The following APOBEC3F variants were observed in gnomAD, a reference collection of about 807,000 sequenced individuals.
The protein encoded by APOBEC3F is apolipoprotein B mRNA editing enzyme catalytic subunit 3F.
APOBEC3F carries 34 observed loss-of-function variants against 45.8 expected under a neutral mutation model. That is an observed-to-expected ratio of 0.74 (90% CI 0.57 to 0.99). The LOEUF (loss-of-function observed/expected upper bound fraction) is 0.99. Among genes scored for constraint, APOBEC3F ranks in the 50% least tolerant of loss-of-function variants. The pLI is 0.00. For synonymous variants in APOBEC3F, 192 were observed against 174.4 expected (o/e 1.10, Z -0.80); for missense variants, 459 against 474.1 (o/e 0.97, Z 0.30).
rs1333368403 is a variant in APOBEC3F, at chr22:39,054,713, C to A, written c.*2018C>A. Among the ~76,000 whole-genome samples the A allele has an allele frequency of 6.6e-6, 1 of 152,238 alleles. No homozygotes were observed. The highest frequency in any genetic ancestry group is 1.5e-5 in the Non-Finnish European group (1 of 68,042). ...TGCGTGTATGTCCCAAATTACAATTCTTTCTTTGCAAATGAAATGTGAAAT... is the reference window on the plus strand; with the variant it reads ...TGCGTGTATGTCCCAAATTACAATTATTTCTTTGCAAATGAAATGTGAAAT... On this transcript the variant is annotated 3_prime_UTR_variant, in exon 7 of 7. Transcript: ENST00000308521.
rs1437533695 is a variant in APOBEC3F at position 39,045,056 on chromosome 22, G to A, written c.287G>A (p.Cys96Tyr). 1 of 1,613,802 alleles carries A rather than the reference G, an allele frequency of 6.2e-7. No individual in the cohort carries two copies. Among genetic ancestry groups the A allele is most frequent in the African/African-American group, 1.3e-5 (1 of 74,838 alleles). ...ACCTGGTTTGTATCCTGGACCCCCT[G>A]CCCGGACTGTGTGGCGAAGCTGGCC... Reference protein sequence around the residue: ...QITWFVSWTPCPDCVAKLAEF... With the variant: ...QITWFVSWTPYPDCVAKLAEF... Residue 96 changes from cysteine (C) to tyrosine (Y), a missense_variant, in exon 3 of 7, where the codon TGC (cysteine) becomes TAC (tyrosine). Cys to Tyr is a radical substitution (Grantham distance 194, BLOSUM62 -2). Transcript: ENST00000308521.
intron 1 of APOBEC3F, among the ~76,000 whole-genome samples, chr22:39,041,799 T>G (rs1397554670): frequency 6.6e-6 from 1 of 151,430 alleles, no homozygotes; most frequent in Non-Finnish European, 1.5e-5. Flanking sequence ...GAGGCGGAGG[T>G]TGCAGTGAGC....
chr22:39,049,109 T>C (rs1927358128), intron 4 of APOBEC3F, among the ~76,000 whole-genome samples: 1 of 152,110 alleles, frequency 6.6e-6, no homozygotes, highest in Admixed American at 6.6e-5. Context: ...TGAGCTGAAA[T>C]GTTCAAGCAA....
rs1382080615 is a variant in APOBEC3F, at chr22:39,055,144, C to T, written c.*2449C>T. ...CTGGAGTGCAATGGCACAATCTCAG[C>T]TCACTGCAACCTCTGCCTTCCGAGT... On this transcript the variant is annotated 3_prime_UTR_variant, in exon 7 of 7. Coordinates refer to ENST00000308521, the MANE Select transcript of APOBEC3F (RefSeq NM_145298.6). Among the ~76,000 whole-genome samples the T allele has an allele frequency of 1.3e-5, 2 of 151,492 alleles. No individual in the cohort carries two copies. The highest frequency in any genetic ancestry group is 2.9e-5 in the Non-Finnish European group (2 of 67,980).
chr22:39,042,926 T>C lies in APOBEC3F; in HGVS notation c.18-11T>C, dbSNP rs1334544124. On this transcript the variant is annotated splice_polypyrimidine_tract_variant and intron_variant, in intron 1 of 6. Transcript: ENST00000308521. The stretch of plus-strand genomic sequence containing the variant: ...TCTCTACATTGGCTGGTTTCTCTCT[T>C]GTGTCTTCAGAAACACAGTGGAGCG... 1 of 1,613,398 alleles carries C rather than the reference T, an allele frequency of 6.2e-7. No homozygotes were observed. The highest frequency in any genetic ancestry group is 1.3e-5 in the African/African-American group (1 of 74,880).
At chr22:39,051,884 G>T (rs1927503640) in intron 5 of APOBEC3F, among the ~76,000 whole-genome samples, 190 bp from the exon 6 acceptor site, 1 of 152,156 alleles carries the variant, frequency 6.6e-6, no homozygotes, top group African/African-American at 2.4e-5. Context: ...AGCCTGGGAG[G>T]TCAAGGCTGC....
intron 4 of APOBEC3F, among the ~76,000 whole-genome samples, chr22:39,048,338 C>A (rs1167620723): frequency 2.6e-5 from 4 of 152,200 alleles, no homozygotes; most frequent in Non-Finnish European, 1.5e-5. Context: ...CTGCAGGCCT[C>A]AGGCACATAC....
In APOBEC3F at chr22:39,054,588, C is replaced by T. The variant is rs909928967; in HGVS notation, c.*1893C>T. 6.6e-6 allele frequency among the ~76,000 whole-genome samples: 1 copy of T among 152,234 alleles called. No homozygotes were observed. Among genetic ancestry groups the T allele is most frequent in the Non-Finnish European group, 1.5e-5 (1 of 68,034 alleles). On this transcript the variant is annotated 3_prime_UTR_variant, in exon 7 of 7. Coordinates refer to ENST00000308521, the MANE Select transcript of APOBEC3F (RefSeq NM_145298.6). The stretch of plus-strand genomic sequence containing the variant: ...CCAACCTCCTTGGCCTCCCAAATTG[C>T]TGGGATTGCTGGTGTGAGCCACAGC...
At chr22:39,041,181 C>T (rs1201407568) in intron 1 of APOBEC3F, among the ~76,000 whole-genome samples, 3 of 151,882 alleles carry the variant, frequency 2.0e-5, no homozygotes, top group Non-Finnish European at 4.4e-5. Flanking sequence ...TAGGCCGCTT[C>T]CCCACCTGCC....
At chr22:39,047,000 G>A (rs535519521) in intron 4 of APOBEC3F, among the ~76,000 whole-genome samples, 1 of 152,242 alleles carries the variant, frequency 6.6e-6, no homozygotes, top group East Asian at 1.9e-4. Context: ...TAGACCGGAG[G>A]AGCAAACTGC....
chr22:39,052,521 A>G (rs1927546214), intron 6 of APOBEC3F, 56 bp from the exon 7 acceptor site: 1 of 1,581,990 alleles, frequency 6.3e-7, no homozygotes, highest in Non-Finnish European at 8.6e-7. Flanking sequence ...GGGAGGGCCC[A>G]GGGCTGGGAG....
At chr22:39,047,310 A>T (rs552042626) in intron 4 of APOBEC3F, among the ~76,000 whole-genome samples, 1 of 152,136 alleles carries the variant, frequency 6.6e-6, no homozygotes, top group East Asian at 1.9e-4. Context: ...AGGATCCAGG[A>T]GTCCCTCTGG....
chr22:39,045,381 CCCAGGGT>C lies in APOBEC3F; in HGVS notation c.452-45_452-39del, dbSNP rs775283963. The C allele has an allele frequency of 1.9e-6, 3 of 1,613,572 alleles. No individual in the cohort carries two copies. The Admixed American group carries it at 5.0e-5, about 27-fold the overall frequency. ...AGGAGACCAGGCCTGGGAGCGCGGG[CCCAGGGT>C]CAGGGCAGAGCCTGACTGCTTCCTG... On this transcript the variant is annotated intron_variant, in intron 3 of 6. Transcript: ENST00000308521.
In APOBEC3F at chr22:39,053,809, C is replaced by G. The variant is rs1417117437; in HGVS notation, c.*1114C>G. The G allele has an allele frequency of 6.6e-6, 1 of 152,140 alleles. No individual in the cohort carries two copies. The highest frequency in any genetic ancestry group is 1.5e-5 in the Non-Finnish European group (1 of 68,044). 9.4% of individuals were successfully genotyped at this position (152,140 alleles called of 1,614,324 possible). A position where few individuals can be genotyped will look rare whatever the true frequency, so the allele number is the denominator to read the frequency against. ...GCAGTCAGGCCACACACCATTGCTC[C>G]CAAAATGGACTTCTCTGCAAGCCTG... On this transcript the variant is annotated 3_prime_UTR_variant, in exon 7 of 7. Coordinates refer to ENST00000308521, the MANE Select transcript of APOBEC3F (RefSeq NM_145298.6).
In APOBEC3F at chr22:39,044,511, T is replaced by A. The variant is rs1313966770; in HGVS notation, c.172-430T>A. ...ACAGTCACGTGGGGGTAAAGGTTGT[T>A]GCCAGAAGTTCAGGGGATGCTCCAG... is the stretch of plus-strand genomic sequence containing the variant. On this transcript the variant is annotated intron_variant, in intron 2 of 6. Coordinates refer to ENST00000308521, the MANE Select transcript of APOBEC3F (RefSeq NM_145298.6). 4.6e-5 allele frequency: 35 copies of A among 757,298 alleles called. No homozygotes were observed. In the East Asian group the frequency reaches 1.2e-3, roughly 26 times the overall value. 46.9% of individuals were successfully genotyped at this position (757,298 alleles called of 1,614,324 possible). A position where few individuals can be genotyped will look rare whatever the true frequency, so the allele number is the denominator to read the frequency against.
In APOBEC3F at chr22:39,052,199, T is replaced by C; in HGVS notation, c.849T>C (p.Cys283=). 1 of 1,614,168 alleles carries C rather than the reference T, an allele frequency of 6.2e-7. No individual in the cohort carries two copies. Among genetic ancestry groups the C allele is most frequent in the East Asian group, 2.2e-5 (1 of 44,880 alleles). The change falls in exon 6 of 7, where the codon TGT becomes TGC. Residue 283 remains cysteine, a synonymous_variant. Coordinates refer to ENST00000308521, the MANE Select transcript of APOBEC3F (RefSeq NM_145298.6). Reference sequence around the variant, plus strand: ...CATCTTGGAGCCCTTGCCCAGAGTGTGCAGGGGAGGTGGCCGAGTTCCTGG... The same window carrying C: ...CATCTTGGAGCCCTTGCCCAGAGTGCGCAGGGGAGGTGGCCGAGTTCCTGG... The part of the protein sequence containing the change: ...WYTSWSPCPE[C]AGEVAEFLAR...
chr22:39,044,833 G>A (rs1927119537), intron 2 of APOBEC3F, 108 bp from the exon 3 acceptor site: 1 of 1,049,206 alleles, frequency 9.5e-7, no homozygotes. Flanking sequence ...GAGCTTCAAT[G>A]GCAAGATCCC....
chr22:39,049,391 T>G (rs746126402), intron 4 of APOBEC3F, 34 bp from the exon 5 acceptor site: 1 of 1,607,378 alleles, frequency 6.2e-7, no homozygotes, highest in Admixed American at 1.7e-5. Flanking sequence ...TCCAGGGGGG[T>G]CTCTGCATTG....
At position 39,053,406 on chromosome 22, in the gene APOBEC3F, C is replaced by G. The variant is rs562994745; in HGVS notation, c.*711C>G. 1.3e-5 allele frequency: 2 copies of G among 150,688 alleles called. No individual in the cohort carries two copies. Among genetic ancestry groups the G allele is most frequent in the Admixed American group, 6.6e-5 (1 of 15,108 alleles). The allele number at this position is 150,688 out of a possible 1,614,324, so 9.3% of individuals were successfully genotyped here. A position where few individuals can be genotyped will look rare whatever the true frequency, so the allele number is the denominator to read the frequency against. ...AGAGAATCGCTTGAGCCCAGGAATT[C>G]GAGACCAGCCTGGGCCACATGACAA... On this transcript the variant is annotated 3_prime_UTR_variant, in exon 7 of 7. Transcript: ENST00000308521.
Sources: gnomAD v4.1 joint callset for allele counts (sites outside exome capture counted in the v4.1 genomes callset) on GRCh38, gnomAD v4.1.1 for gene constraint, MANE v1.5 for transcripts, NCBI Gene and HGNC (gene_info 2026-07-23, HGNC 2026-07-21) for gene names.